The following STRN3 variants were observed in gnomAD, a reference collection of about 807,000 sequenced individuals.
STRN3 encodes the protein striatin 3.
STRN3 carries 29 observed loss-of-function variants against 95.6 expected under a neutral mutation model. The observed-to-expected ratio is 0.30, with a 90% CI of 0.23 to 0.41. The LOEUF is 0.41. Ranked by LOEUF, STRN3 falls within the 10% of genes least tolerant of loss-of-function variation. The probability of loss-of-function intolerance (pLI) is 1.00; values close to 1 mark genes in which losing one functional copy is unlikely to be tolerated. For missense variants in STRN3, 890 were observed against 972.1 expected, an observed-to-expected ratio of 0.92 and a Z score of 1.12; for synonymous variants, 331 against 357.6, an observed-to-expected ratio of 0.93 and a Z score of 0.84.
chr14:31,013,867 TTA>T (rs773377702), intron 1 of STRN3, among the ~76,000 whole-genome samples: 20,200 of 92,528 alleles, frequency 0.22, 2,007 homozygotes, highest in Middle Eastern at 0.28. Context: ...AGCAATTTTA[TTA>T]TTATTATTAT....
intron 1 of STRN3, among the ~76,000 whole-genome samples, chr14:30,981,529 AG>A (rs1881395987): frequency 6.6e-6 from 1 of 151,836 alleles, no homozygotes; most frequent in Admixed American, 6.6e-5. Flanking sequence ...ATCACACAAG[AG>A]TTTCAAAACC....
At chr14:31,009,950 T>G (rs1882893596) in intron 1 of STRN3, among the ~76,000 whole-genome samples, 1 of 151,944 alleles carries the variant, frequency 6.6e-6, no homozygotes, top group African/African-American at 2.4e-5. Flanking sequence ...AAAAAATTTT[T>G]TAAGTAGCTG....
chr14:30,977,289 AG>A (rs1400004415), intron 1 of STRN3, among the ~76,000 whole-genome samples: 7 of 152,218 alleles, frequency 4.6e-5, no homozygotes, highest in Non-Finnish European at 7.3e-5. Flanking sequence ...CTTCCATCTT[AG>A]GAAATCAAAG....
chr14:30,999,272 T>C (rs1882338340), intron 1 of STRN3, among the ~76,000 whole-genome samples: 1 of 152,078 alleles, frequency 6.6e-6, no homozygotes, highest in South Asian at 2.1e-4. Context: ...AGTCTCAAAC[T>C]CCCAGGTCAA....
At chr14:31,013,903 TTATTATTATTA>T (rs1270422234) in intron 1 of STRN3, among the ~76,000 whole-genome samples, 1 of 112,454 alleles carries the variant, frequency 8.9e-6, no homozygotes, top group Non-Finnish European at 2.1e-5. Context: ...ATTATTATTA[TTATTATTATTA>T]TTATTTGAGA....
At chr14:31,001,885 G>T (rs1452811966) in intron 1 of STRN3, among the ~76,000 whole-genome samples, 1 of 151,976 alleles carries the variant, frequency 6.6e-6, no homozygotes, top group Non-Finnish European at 1.5e-5. Context: ...CAAAAATCAG[G>T]CCAGGCGTGG....
intron 4 of STRN3, among the ~76,000 whole-genome samples, chr14:30,949,179 C>A (rs1306621880): frequency 1.3e-5 from 2 of 152,220 alleles, no homozygotes; most frequent in Non-Finnish European, 2.9e-5. Flanking sequence ...TTATTTCCTT[C>A]AATTCTGCTA....
At chr14:30,909,321 A>C (rs1896549740) in intron 13 of STRN3, among the ~76,000 whole-genome samples, 1 of 152,150 alleles carries the variant, frequency 6.6e-6, no homozygotes, top group Non-Finnish European at 1.5e-5. Context: ...CCCGGGCAAC[A>C]TGGCCACCAT....
chr14:31,002,921 G>A (rs1882536491), intron 1 of STRN3, among the ~76,000 whole-genome samples: 2 of 152,042 alleles, frequency 1.3e-5, no homozygotes, highest in Admixed American at 6.6e-5. Flanking sequence ...GGTAGTAAAG[G>A]TTGCACAACA....
At chr14:30,955,316 T>G (rs1038805223) in intron 3 of STRN3, among the ~76,000 whole-genome samples, 2 of 152,192 alleles carry the variant, frequency 1.3e-5, no homozygotes, top group African/African-American at 4.8e-5. Flanking sequence ...CAAAAACAAT[T>G]AACTAAAATT....
intron 1 of STRN3, among the ~76,000 whole-genome samples, chr14:30,993,489 T>TA (rs1224551047): frequency 1.3e-5 from 2 of 152,218 alleles, no homozygotes; most frequent in African/African-American, 4.8e-5. Context: ...TCAAATGACT[T>TA]AAATATAACA....
intron 1 of STRN3, among the ~76,000 whole-genome samples, chr14:30,973,472 A>C (rs1880939269): frequency 6.6e-6 from 1 of 151,786 alleles, no homozygotes; most frequent in Admixed American, 6.6e-5. Flanking sequence ...GTAACCACCA[A>C]TTCTACACAA....
chr14:30,974,407 A>G lies in STRN3; in HGVS notation c.283-18165T>C, dbSNP rs549083674. Among the ~76,000 whole-genome samples, 17 of 152,294 alleles carry G rather than the reference A, an allele frequency of 1.1e-4. 1 individual carries two copies. In the South Asian group the frequency reaches 2.7e-3, roughly 24 times the overall value. Reference sequence around the variant, plus strand: ...ATGAAAACTATAAAACAATGCTGAAAGAAATTAAGACATAAATAAATGAAA... The same window carrying G: ...ATGAAAACTATAAAACAATGCTGAAGGAAATTAAGACATAAATAAATGAAA... On this transcript the variant is annotated intron_variant, in intron 1 of 17. Coordinates refer to ENST00000357479, the MANE Select transcript of STRN3 (RefSeq NM_001083893.2).
intron 1 of STRN3, among the ~76,000 whole-genome samples, chr14:30,972,946 C>T (rs1018135322): frequency 2.6e-5 from 4 of 152,270 alleles, no homozygotes; most frequent in East Asian, 1.9e-4. Context: ...TGCGGGCTCA[C>T]GCCTGTAATC....
intron 10 of STRN3, 140 bp downstream of exon 10, chr14:30,913,384 C>A: frequency 4.2e-6 from 4 of 961,660 alleles, no homozygotes; most frequent in African/African-American, 1.7e-5. Flanking sequence ...AAAAGAAAAA[C>A]ATGTCACTTC....
intron 3 of STRN3, among the ~76,000 whole-genome samples, chr14:30,953,175 AG>A (rs1456263354): frequency 2.0e-5 from 3 of 152,160 alleles, no homozygotes; most frequent in Admixed American, 6.6e-5. Flanking sequence ...AATGTTGCTA[AG>A]GATATTCTTG....
intron 3 of STRN3, among the ~76,000 whole-genome samples, chr14:30,951,561 G>A (rs1047109626): frequency 1.3e-5 from 2 of 151,858 alleles, no homozygotes; most frequent in African/African-American, 2.4e-5. Context: ...CTAGAATTCC[G>A]CTAAGTCGAT....
chr14:30,905,338 T>C (rs966008863), intron 15 of STRN3, 80 bp downstream of exon 15: 48 of 1,323,072 alleles, frequency 3.6e-5, no homozygotes, highest in Non-Finnish European at 4.5e-5. Flanking sequence ...ATAGTGAAAA[T>C]ATGAAAATTA....
intron 1 of STRN3, among the ~76,000 whole-genome samples, chr14:30,981,135 G>C (rs915640440): frequency 5.3e-5 from 8 of 150,758 alleles, no homozygotes; most frequent in African/African-American, 1.5e-4. Flanking sequence ...AACAAAGCAA[G>C]ATCTTGTCTC....
Sources: allele counts gnomAD v4.1 joint callset (sites outside exome capture counted in the v4.1 genomes callset), GRCh38; gene constraint gnomAD v4.1.1; transcripts MANE v1.5; gene names NCBI Gene and HGNC (gene_info 2026-07-23, HGNC 2026-07-21).